Variants in HPD observed in about 807,000 individuals in gnomAD.
The protein encoded by HPD is 4-hydroxyphenylpyruvic acid oxidase.
In HPD, 35 loss-of-function variants were observed where a neutral mutation model predicts 56.9. The ratio of observed to expected loss-of-function variants is 0.62; its 90% CI spans 0.47 to 0.82. HPD has a LOEUF of 0.82. HPD is among the 40% of genes least tolerant of loss of function. The pLI is 0.00. For missense variants in HPD, 442 were observed against 506.8 expected (o/e 0.87, Z 1.23); for synonymous variants, 186 against 200.2 (o/e 0.93, Z 0.60).
rs764783765 is a variant in HPD, at chr12:121,854,720, A to G, written c.397T>C (p.Phe133Leu). The change falls in exon 7 of 14, where the codon TTT (phenylalanine) becomes CTT (leucine). Residue 133 changes from phenylalanine to leucine, a missense_variant. Transcript: ENST00000289004. ...VEQDKFGKVK[F>L]AVLQTYGDTT... Reference sequence around the variant, plus strand: ...GAACTCACCGTCTGCAGCACAGCAAACTTCACCTTCCCAAACTTGTCTTGC... The same window carrying G: ...GAACTCACCGTCTGCAGCACAGCAAGCTTCACCTTCCCAAACTTGTCTTGC... 1.2e-6 allele frequency: 2 copies of G among 1,613,628 alleles called. No homozygotes were observed. Among genetic ancestry groups the G allele is most frequent in the East Asian group, 2.2e-5 (1 of 44,878 alleles).
chr12:121,844,940 C>T (rs1016028981), intron 11 of HPD, among the ~76,000 whole-genome samples: 7 of 150,688 alleles, frequency 4.6e-5, no homozygotes, highest in Non-Finnish European at 8.9e-5. Flanking sequence ...AAAAGTTATC[C>T]AGGCGTGGTG....
At chr12:121,859,818 C>T (rs533388354), upstream of HPD, among the ~76,000 whole-genome samples, 1 of 152,350 alleles carries the variant, frequency 6.6e-6, no homozygotes, top group African/African-American at 2.4e-5. Context: ...CTGTCCTGGG[C>T]CTGCCCAGTG....
At chr12:121,863,635 C>G (rs1437417866), upstream of HPD, 1 of 152,136 alleles carries the variant, frequency 6.6e-6, no homozygotes, top group African/African-American at 2.4e-5. Context: ...TGGTGGCGAG[C>G]CAGGAGCAGT....
chr12:121,870,062 A>C, the HPD span, among the ~76,000 whole-genome samples: 1 of 150,542 alleles, frequency 6.6e-6, no homozygotes, highest in African/African-American at 2.4e-5. Context: ...ACAGGCATGA[A>C]CCACCACACC....
chr12:121,875,367 G>T, the HPD span, among the ~76,000 whole-genome samples: 20 of 152,076 alleles, frequency 1.3e-4, no homozygotes, highest in Middle Eastern at 0.01. Flanking sequence ...GAATTCTGTG[G>T]TGTAGATACT....
At chr12:121,840,497 A>G (rs1487893565) in intron 12 of HPD, among the ~76,000 whole-genome samples, 1 of 151,870 alleles carries the variant, frequency 6.6e-6, no homozygotes, top group Admixed American at 6.6e-5. Flanking sequence ...ACGGGGTTTC[A>G]CGATATTGGT....
chr12:121,870,012 A>G, the HPD span, among the ~76,000 whole-genome samples: 60 of 152,038 alleles, frequency 3.9e-4, no homozygotes, highest in African/African-American at 1.1e-3. Flanking sequence ...TCCTGGGCTC[A>G]AGCAGTCCTT....
chr12:121,881,081 G>A, the HPD span, among the ~76,000 whole-genome samples: 811 of 152,272 alleles, frequency 5.3e-3, 11 homozygotes, highest in African/African-American at 0.019. Flanking sequence ...GTGAGCCAAC[G>A]TGCACAACCC....
chr12:121,846,595 C>A (rs1347640002), intron 11 of HPD, among the ~76,000 whole-genome samples: 3 of 152,190 alleles, frequency 2.0e-5, no homozygotes, highest in Non-Finnish European at 4.4e-5. Flanking sequence ...GAGCAAGCCA[C>A]TGGCAGAACC....
chr12:121,852,532 C>T (rs560439008), intron 7 of HPD, among the ~76,000 whole-genome samples: 4 of 150,020 alleles, frequency 2.7e-5, no homozygotes, highest in South Asian at 2.1e-4. Context: ...TACAGTAACA[C>T]GGGTCCTAAA....
the HPD span, among the ~76,000 whole-genome samples, chr12:121,876,049 C>T: frequency 2.0e-5 from 3 of 152,248 alleles, no homozygotes; most frequent in South Asian, 2.1e-4. Flanking sequence ...TGGTGGCTCA[C>T]GCCTGTAATC....
At chr12:121,881,643 TG>T in the HPD span, among the ~76,000 whole-genome samples, 1 of 151,570 alleles carries the variant, frequency 6.6e-6, no homozygotes, top group Non-Finnish European at 1.5e-5. Context: ...TTTGTTTTTT[TG>T]TTTGTTTGTT....
At chr12:121,865,144 C>T (rs1373371581), upstream of HPD, among the ~76,000 whole-genome samples, 7 of 151,524 alleles carry the variant, frequency 4.6e-5, no homozygotes, top group African/African-American at 1.2e-4. Context: ...GGCGGGCACC[C>T]GTAGTTTCGG....
chr12:121,863,826 C>T (rs1186142713), upstream of HPD, among the ~76,000 whole-genome samples: 1 of 151,678 alleles, frequency 6.6e-6, no homozygotes, highest in Admixed American at 6.6e-5. Context: ...TTATATAAGC[C>T]CATTTTGGAA....
chr12:121,880,537 C>G, the HPD span, among the ~76,000 whole-genome samples: 4 of 152,122 alleles, frequency 2.6e-5, no homozygotes, highest in Non-Finnish European at 5.9e-5. Flanking sequence ...CAAGCATTAC[C>G]AAGATCTTCC....
At position 121,849,713 on chromosome 12, in the gene HPD, C is replaced by A; in HGVS notation, c.492G>T (p.Ala164=). The part of the protein sequence containing the change: ...GQFLPGYEAP[A]FMDPLLPKLP... Reference sequence around the variant, plus strand: ...GTTTAGGAAGTAGGGGGTCCATGAACGCTGGGGCCTCATATCCAGGCAAGA... The same window carrying A: ...GTTTAGGAAGTAGGGGGTCCATGAAAGCTGGGGCCTCATATCCAGGCAAGA... Residue 164 remains alanine, a synonymous_variant, in exon 8 of 14, where the codon GCG becomes GCT. Coordinates refer to ENST00000289004, the MANE Select transcript of HPD (RefSeq NM_002150.3). 1 of 1,613,508 alleles carries A rather than the reference C, an allele frequency of 6.2e-7. No homozygotes were observed. The highest frequency in any genetic ancestry group is 8.5e-7 in the Non-Finnish European group (1 of 1,179,464).
At chr12:121,857,111 G>T in intron 4 of HPD, 1 of 550,090 alleles carries the variant, frequency 1.8e-6, no homozygotes, top group Non-Finnish European at 3.3e-6. Context: ...ATGGAGTCTT[G>T]CTCTGTCGCC....
chr12:121,847,289 C>T (rs767004297), intron 9 of HPD, 75 bp from the exon 10 acceptor site: 29 of 1,386,502 alleles, frequency 2.1e-5, no homozygotes, highest in Non-Finnish European at 3.0e-5. Flanking sequence ...TTCCACCTTC[C>T]AGAATCTGTC....
the HPD span, among the ~76,000 whole-genome samples, chr12:121,869,346 G>A: frequency 3.3e-5 from 2 of 60,404 alleles, no homozygotes; most frequent in Admixed American, 3.9e-4. Context: ...GTGAAACTTC[G>A]TCTCAAAAAA....
Sources: allele counts gnomAD v4.1 joint callset (sites outside exome capture counted in the v4.1 genomes callset), GRCh38; gene constraint gnomAD v4.1.1; transcripts MANE v1.5; gene names NCBI Gene and HGNC (gene_info 2026-07-23, HGNC 2026-07-21).